NRG1: variants seen among roughly 807,000 people sequenced by gnomAD.
The protein encoded by NRG1 is pro-neuregulin-1, membrane-bound isoform.
A neutral mutation model predicts 63.8 loss-of-function variants in NRG1; 18 were observed. The ratio of observed to expected loss-of-function variants is 0.28; its 90% CI spans 0.19 to 0.42. The LOEUF is 0.42. NRG1 is among the 10% of genes least tolerant of loss of function. NRG1 has a pLI of 1.00. For synonymous variants in NRG1, 302 were observed against 301.3 expected, an observed-to-expected ratio of 1.00 and a Z score of -0.02; for missense variants, 762 against 814.7, an observed-to-expected ratio of 0.94 and a Z score of 0.79.
chr8:32,302,345 A>G (rs1210891778), intron 1 of NRG1, among the ~76,000 whole-genome samples: 1 of 152,198 alleles, frequency 6.6e-6, no homozygotes, highest in African/African-American at 2.4e-5. Flanking sequence ...CTTAGCCCTG[A>G]GCCCCAGTCT....
intron 1 of NRG1, among the ~76,000 whole-genome samples, chr8:31,952,987 G>A (rs1803720860): frequency 6.6e-6 from 1 of 152,046 alleles, no homozygotes; most frequent in African/African-American, 2.4e-5. Context: ...AAATGTTTAG[G>A]CATTTCATTC....
intron 1 of NRG1, among the ~76,000 whole-genome samples, chr8:32,491,775 T>C (rs1480389377): frequency 6.6e-6 from 1 of 152,230 alleles, no homozygotes; most frequent in African/African-American, 2.4e-5. Flanking sequence ...CACCTGGATC[T>C]GATAGCACCT....
chr8:31,714,290 G>A (rs2131272211), intron 1 of NRG1, among the ~76,000 whole-genome samples: 1 of 152,084 alleles, frequency 6.6e-6, no homozygotes, highest in African/African-American at 2.4e-5. Flanking sequence ...ACTGTAATTT[G>A]AAAACTGACA....
At chr8:32,513,517 C>T (rs1007882645) in intron 1 of NRG1, among the ~76,000 whole-genome samples, 1 of 151,810 alleles carries the variant, frequency 6.6e-6, no homozygotes, top group African/African-American at 2.4e-5. Context: ...CTCCTTGGGG[C>T]TCAGCCTCTA....
At chr8:32,099,290 G>A (rs1830266581) in intron 1 of NRG1, 1 of 152,230 alleles carries the variant, frequency 6.6e-6, no homozygotes, top group Non-Finnish European at 1.5e-5. Context: ...AATTTGCACA[G>A]AAGGGCTATG....
chr8:32,704,281 G>A (rs2128966872), intron 5 of NRG1, among the ~76,000 whole-genome samples: 1 of 152,242 alleles, frequency 6.6e-6, no homozygotes, highest in South Asian at 2.1e-4. Flanking sequence ...TTGTTGAGCT[G>A]GATTAAGTGA....
chr8:32,768,521 G>T (rs565623424), downstream of NRG1, among the ~76,000 whole-genome samples: 3 of 152,098 alleles, frequency 2.0e-5, no homozygotes, highest in Admixed American at 6.6e-5. Flanking sequence ...GGCCAAGTTA[G>T]GTTCATTCCC....
At chr8:32,551,080 CTTCT>C (rs1477553100) in intron 1 of NRG1, among the ~76,000 whole-genome samples, 3 of 152,142 alleles carry the variant, frequency 2.0e-5, no homozygotes, top group Non-Finnish European at 4.4e-5. Context: ...TGTTTCTTTC[CTTCT>C]TTGTCATTTT....
At chr8:32,717,982 T>C (rs1009921683) in intron 5 of NRG1, among the ~76,000 whole-genome samples, 1 of 152,196 alleles carries the variant, frequency 6.6e-6, no homozygotes, top group African/African-American at 2.4e-5. Context: ...CTTCTATAAC[T>C]CATAGGCACA....
chr8:31,854,526 C>T (rs1267109857), intron 1 of NRG1, among the ~76,000 whole-genome samples: 17 of 151,652 alleles, frequency 1.1e-4, no homozygotes, highest in South Asian at 6.3e-4. Flanking sequence ...GTCTTGCTAG[C>T]GGTCTATCAA....
In NRG1 at chr8:31,643,272, C is replaced by T. The variant is rs143902197; in HGVS notation, c.37+3841C>T. 2.0e-4 allele frequency among the ~76,000 whole-genome samples: 31 copies of T among 152,336 alleles called. No homozygotes were observed. In the East Asian group the frequency reaches 5.2e-3, roughly 26 times the overall value. ...GTGATGGTTGTGTGCAGGCTTGAGC[C>T]ATAATGCTAGGCTGGAGAAGGAATA... On this transcript the variant is annotated intron_variant, in intron 1 of 10. Coordinates refer to the NRG1 transcript ENST00000519301.
At chr8:32,263,727 T>C (rs1691530408) in intron 1 of NRG1, among the ~76,000 whole-genome samples, 1 of 152,190 alleles carries the variant, frequency 6.6e-6, no homozygotes, top group African/African-American at 2.4e-5. Flanking sequence ...TTCAAGATTA[T>C]CGTGGGTGGG....
intron 1 of NRG1, among the ~76,000 whole-genome samples, chr8:31,693,764 T>C (rs368446540): frequency 1.9e-4 from 29 of 152,306 alleles, no homozygotes; most frequent in African/African-American, 5.8e-4. Context: ...ATGGCTGATA[T>C]GTGTCTTCAG....
intron 1 of NRG1, among the ~76,000 whole-genome samples, chr8:32,451,568 G>T (rs1270702365): frequency 6.6e-6 from 1 of 152,112 alleles, no homozygotes; most frequent in Non-Finnish European, 1.5e-5. Context: ...ATGTTCTTCT[G>T]GCAGTCAAAT....
At chr8:32,248,863 T>G (rs1038154676) in intron 1 of NRG1, among the ~76,000 whole-genome samples, 4 of 152,098 alleles carry the variant, frequency 2.6e-5, no homozygotes, top group African/African-American at 9.7e-5. Context: ...TAAATCAACC[T>G]CATTAATTGA....
At chr8:32,478,840 C>G (rs1824870761) in intron 1 of NRG1, among the ~76,000 whole-genome samples, 1 of 152,140 alleles carries the variant, frequency 6.6e-6, no homozygotes, top group Admixed American at 6.5e-5. Context: ...TCATTTGACG[C>G]CCACAAGCTG....
intron 5 of NRG1, 32 bp from the exon 6 acceptor site, chr8:32,727,917 A>G (rs567149692): frequency 3.7e-6 from 6 of 1,611,270 alleles, no homozygotes; most frequent in African/African-American, 1.3e-5. Flanking sequence ...AAAAAAGTCC[A>G]TGTTAACCTT....
intron 1 of NRG1, among the ~76,000 whole-genome samples, chr8:31,796,871 T>C (rs1821282603): frequency 6.6e-6 from 1 of 152,210 alleles, no homozygotes; most frequent in South Asian, 2.1e-4. Flanking sequence ...AGGAGAATTC[T>C]TTCTTACCAG....
intron 1 of NRG1, among the ~76,000 whole-genome samples, chr8:31,990,979 G>A (rs528568165): frequency 7.5e-4 from 114 of 152,138 alleles, no homozygotes; most frequent in African/African-American, 2.6e-3. Flanking sequence ...TTCTGGTTAA[G>A]GAAGAATTGG....
Sources: gnomAD v4.1 joint callset for allele counts (sites outside exome capture counted in the v4.1 genomes callset) on GRCh38, gnomAD v4.1.1 for gene constraint, MANE v1.5 for transcripts, NCBI Gene and HGNC (gene_info 2026-07-23, HGNC 2026-07-21) for gene names.